HMGCLL1: variants seen among roughly 807,000 people sequenced by gnomAD.
HMGCLL1 encodes the protein 3-hydroxy-3-methylglutaryl-CoA lyase like 1, also known as 3-hydroxymethyl-3-methylglutaryl-CoA lyase, cytoplasmic.
A neutral mutation model predicts 39.1 loss-of-function variants in HMGCLL1; 36 were observed. The ratio of observed to expected loss-of-function variants is 0.92; its 90% CI spans 0.71 to 1.22. The LOEUF is 1.22. Among genes scored for constraint, HMGCLL1 ranks in the 50% most tolerant of loss-of-function variants. The pLI is 0.00. For missense variants in HMGCLL1, 451 were observed against 416.5 expected (o/e 1.08, Z -0.72); for synonymous variants, 149 against 144.0 (o/e 1.03, Z -0.25).
chr6:55,586,024 A>G, the HMGCLL1 span, among the ~76,000 whole-genome samples: 1 of 152,112 alleles, frequency 6.6e-6, no homozygotes, highest in East Asian at 1.9e-4. Flanking sequence ...TATCCACCAA[A>G]TGTGAATTGA....
intron 7 of HMGCLL1, among the ~76,000 whole-genome samples, chr6:55,477,716 TCTA>T (rs1166993018): frequency 6.7e-6 from 1 of 149,468 alleles, no homozygotes; most frequent in African/African-American, 2.5e-5. Context: ...AGCAGTGACT[TCTA>T]ATAAATTTTC....
At chr6:55,469,613 A>G (rs1305454832) in intron 7 of HMGCLL1, among the ~76,000 whole-genome samples, 1 of 151,318 alleles carries the variant, frequency 6.6e-6, no homozygotes, top group Non-Finnish European at 1.5e-5. Flanking sequence ...AGTCGAGAGG[A>G]AAAGAAGAGA....
chr6:55,536,661 GC>G (rs6149598), intron 3 of HMGCLL1, among the ~76,000 whole-genome samples: 98,356 of 151,746 alleles, frequency 0.65, 32,168 homozygotes, highest in Admixed American at 0.71. Context: ...TCTAAGGAAA[GC>G]TTTTCCCAGA....
chr6:55,585,301 G>C, the HMGCLL1 span, among the ~76,000 whole-genome samples: 2 of 152,062 alleles, frequency 1.3e-5, no homozygotes, highest in East Asian at 3.8e-4. Context: ...GGATCCAAAA[G>C]CATTAGCTTT....
the HMGCLL1 span, among the ~76,000 whole-genome samples, chr6:55,675,423 C>A: frequency 6.6e-6 from 1 of 152,110 alleles, no homozygotes; most frequent in South Asian, 2.1e-4. Context: ...ATTAACACTG[C>A]CAGTAACAAT....
intron 5 of HMGCLL1, among the ~76,000 whole-genome samples, chr6:55,509,557 G>C (rs1767333231): frequency 6.6e-6 from 1 of 151,826 alleles, no homozygotes; most frequent in Non-Finnish European, 1.5e-5. Flanking sequence ...GCAAGTTTTT[G>C]AATAAATGTG....
At chr6:55,657,933 G>C in the HMGCLL1 span, among the ~76,000 whole-genome samples, 1 of 151,790 alleles carries the variant, frequency 6.6e-6, no homozygotes, top group Non-Finnish European at 1.5e-5. Context: ...GGAGGGGGGA[G>C]GATCAGGAAA....
chr6:55,531,956 G>A (rs1046215591), intron 3 of HMGCLL1, among the ~76,000 whole-genome samples: 2 of 151,910 alleles, frequency 1.3e-5, no homozygotes, highest in African/African-American at 4.8e-5. Context: ...ATATTATAAT[G>A]TATTAATAAT....
intron 1 of HMGCLL1, among the ~76,000 whole-genome samples, chr6:55,543,724 G>A (rs549104670): frequency 6.6e-5 from 10 of 150,834 alleles, no homozygotes; most frequent in South Asian, 6.3e-4. Context: ...TTAGTCAGGC[G>A]TGATGGGGGT....
chr6:55,630,772 GC>G, the HMGCLL1 span, among the ~76,000 whole-genome samples: 51,717 of 151,720 alleles, frequency 0.34, 9,164 homozygotes, highest in African/African-American at 0.43. Context: ...CTCTTTGCCT[GC>G]CCCGCTCCAT....
At chr6:55,613,216 G>C in the HMGCLL1 span, among the ~76,000 whole-genome samples, 1 of 152,320 alleles carries the variant, frequency 6.6e-6, no homozygotes, top group African/African-American at 2.4e-5. Flanking sequence ...CTTATCATTA[G>C]AGAAATGCAA....
At chr6:55,632,758 G>T in the HMGCLL1 span, among the ~76,000 whole-genome samples, 2 of 151,980 alleles carry the variant, frequency 1.3e-5, no homozygotes, top group Admixed American at 1.3e-4. Context: ...TTGCATTAAA[G>T]GTTACCATGC....
At chr6:55,518,760 T>C (rs1309383864) in intron 3 of HMGCLL1, among the ~76,000 whole-genome samples, 1 of 152,062 alleles carries the variant, frequency 6.6e-6, no homozygotes, top group African/African-American at 2.4e-5. Flanking sequence ...CCTAAATTTG[T>C]GATTGAAGTA....
intron 3 of HMGCLL1, 118 bp downstream of exon 3, chr6:55,541,611 A>C: frequency 3.3e-6 from 2 of 613,214 alleles, no homozygotes; most frequent in South Asian, 4.4e-5. Flanking sequence ...CCACAGGTTA[A>C]TATTTTGAAA....
At chr6:55,485,305 C>CGT (rs144399390) in intron 7 of HMGCLL1, among the ~76,000 whole-genome samples, 20 of 151,158 alleles carry the variant, frequency 1.3e-4, no homozygotes, top group South Asian at 2.1e-4. Flanking sequence ...CTATATTAGG[C>CGT]GTGTGTGTGT....
chr6:55,469,972 T>C (rs969142798), intron 7 of HMGCLL1, among the ~76,000 whole-genome samples: 8 of 151,840 alleles, frequency 5.3e-5, no homozygotes, highest in Non-Finnish European at 1.2e-4. Flanking sequence ...AATTTTAAAG[T>C]TTTCCAGCTT....
At chr6:55,541,376 T>C (rs1006541958) in intron 3 of HMGCLL1, among the ~76,000 whole-genome samples, 20 of 152,208 alleles carry the variant, frequency 1.3e-4, no homozygotes, top group African/African-American at 4.3e-4. Context: ...GGCTACTTAT[T>C]ATCATTTGCC....
the HMGCLL1 span, among the ~76,000 whole-genome samples, chr6:55,624,926 T>C: frequency 1.3e-5 from 2 of 152,132 alleles, no homozygotes; most frequent in Non-Finnish European, 2.9e-5. Flanking sequence ...CTGCCAATTT[T>C]TAATGTGGTC....
intron 7 of HMGCLL1, among the ~76,000 whole-genome samples, chr6:55,448,651 G>C (rs1763958942): frequency 6.6e-6 from 1 of 151,952 alleles, no homozygotes; most frequent in African/African-American, 2.4e-5. Context: ...ATTCTTCTCA[G>C]AATCATCTGC....
Sources: allele counts gnomAD v4.1 joint callset (sites outside exome capture counted in the v4.1 genomes callset), GRCh38; gene constraint gnomAD v4.1.1; transcripts MANE v1.5; gene names NCBI Gene and HGNC (gene_info 2026-07-23, HGNC 2026-07-21).